The following NRXN3 variants were observed in gnomAD, a reference collection of about 807,000 sequenced individuals.
NRXN3 encodes the protein neurexin III.
Under a neutral mutation model 137.6 loss-of-function variants are expected in NRXN3, and 32 were observed. That is an observed-to-expected ratio of 0.23 (90% confidence interval 0.18 to 0.31). NRXN3 has a LOEUF of 0.31. Among genes scored for constraint, NRXN3 ranks in the 10% least tolerant of loss-of-function variants. The probability of loss-of-function intolerance (pLI) is 1.00; values close to 1 mark genes in which losing one functional copy is unlikely to be tolerated. For synonymous variants in NRXN3, 798 were observed against 784.5 expected (o/e 1.02, Z -0.29); for missense variants, 1,574 against 2,062.5 (o/e 0.76, Z 4.59).
At chr14:78,649,120 T>C (rs560822379) in intron 5 of NRXN3, 18 of 443,646 alleles carry the variant, frequency 4.1e-5, no homozygotes, top group South Asian at 2.9e-4. Flanking sequence ...TTTGAGAAAC[T>C]AACACAAGAT....
chr14:78,411,555 T>C (rs2092828313), intron 4 of NRXN3, among the ~76,000 whole-genome samples: 1 of 152,218 alleles, frequency 6.6e-6, no homozygotes, highest in African/African-American at 2.4e-5. Flanking sequence ...CTGGTTCTTT[T>C]ATGAGCTGTG....
At chr14:78,693,971 C>T (rs184450090) in intron 6 of NRXN3, among the ~76,000 whole-genome samples, 4 of 152,022 alleles carry the variant, frequency 2.6e-5, no homozygotes, top group African/African-American at 9.7e-5. Flanking sequence ...AGATTTCTCA[C>T]TCTCATTTCT....
At chr14:79,178,256 A>T (rs906121869) in intron 15 of NRXN3, among the ~76,000 whole-genome samples, 3 of 152,176 alleles carry the variant, frequency 2.0e-5, no homozygotes, top group African/African-American at 7.2e-5. Flanking sequence ...CTTACATGCA[A>T]TTTTTTTAAA....
chr14:78,776,499 G>A (rs541027807), intron 8 of NRXN3, among the ~76,000 whole-genome samples: 23 of 152,262 alleles, frequency 1.5e-4, no homozygotes, highest in Middle Eastern at 3.4e-3. Flanking sequence ...AAATTTATAG[G>A]TCAGTGTGGC....
chr14:79,674,030 G>A (rs375362768), intron 17 of NRXN3, among the ~76,000 whole-genome samples: 2 of 152,012 alleles, frequency 1.3e-5, no homozygotes, highest in Non-Finnish European at 2.9e-5. Flanking sequence ...GTGAAAGAAG[G>A]TGCTACTATT....
chr14:78,594,206 C>T (rs1009561349), intron 4 of NRXN3, among the ~76,000 whole-genome samples: 2 of 152,196 alleles, frequency 1.3e-5, no homozygotes, highest in African/African-American at 2.4e-5. Context: ...AGCAGCAGTA[C>T]CAGCATCGAG....
chr14:78,541,596 C>G (rs2096590024), intron 4 of NRXN3, among the ~76,000 whole-genome samples: 2 of 152,080 alleles, frequency 1.3e-5, no homozygotes, highest in Non-Finnish European at 1.5e-5. Context: ...TTATTACCGA[C>G]CTTCTGAAGC....
chr14:79,022,731 T>C (rs2099591703), intron 15 of NRXN3, among the ~76,000 whole-genome samples: 1 of 152,206 alleles, frequency 6.6e-6, no homozygotes, highest in African/African-American at 2.4e-5. Context: ...CTTCTCTCTC[T>C]TCTTCAGCTA....
At chr14:79,813,973 T>A (rs1209461815) in intron 20 of NRXN3, among the ~76,000 whole-genome samples, 1 of 152,226 alleles carries the variant, frequency 6.6e-6, no homozygotes, top group Non-Finnish European at 1.5e-5. Flanking sequence ...AAGCCCAGGA[T>A]CATTGTGTGG....
chr14:79,812,383 A>G (rs2099237240), intron 20 of NRXN3, among the ~76,000 whole-genome samples: 2 of 152,228 alleles, frequency 1.3e-5, no homozygotes, highest in South Asian at 4.1e-4. Flanking sequence ...GGCAGATATA[A>G]TAAGAGGAAT....
intron 20 of NRXN3, among the ~76,000 whole-genome samples, chr14:79,844,456 A>G (rs2099362810): frequency 6.6e-6 from 1 of 151,836 alleles, no homozygotes; most frequent in South Asian, 2.1e-4. Flanking sequence ...CTTAAGTAAG[A>G]TGTTAAAGTC....
At chr14:79,200,606 G>C (rs950784494) in intron 15 of NRXN3, among the ~76,000 whole-genome samples, 12 of 152,132 alleles carry the variant, frequency 7.9e-5, no homozygotes, top group Admixed American at 5.2e-4. Context: ...ACATCTCTGG[G>C]AAGGAATGAG....
intron 20 of NRXN3, among the ~76,000 whole-genome samples, chr14:79,806,773 A>T: frequency 6.7e-6 from 1 of 149,434 alleles, no homozygotes; most frequent in African/African-American, 2.4e-5. Context: ...TTGCTATCTA[A>T]CTCCTCGCGT....
At chr14:78,624,017 G>A (rs1003430162) in intron 4 of NRXN3, among the ~76,000 whole-genome samples, 5 of 152,162 alleles carry the variant, frequency 3.3e-5, no homozygotes, top group Admixed American at 2.0e-4. Context: ...TGGTTATAGG[G>A]TTTGTTACCC....
At chr14:79,592,072 C>G (rs576458233) in intron 16 of NRXN3, among the ~76,000 whole-genome samples, 1 of 152,242 alleles carries the variant, frequency 6.6e-6, no homozygotes. Flanking sequence ...TAAAAGTTAC[C>G]TCATGCCCAA....
intron 8 of NRXN3, among the ~76,000 whole-genome samples, chr14:78,746,850 A>C (rs1480342649): frequency 6.6e-6 from 1 of 152,238 alleles, no homozygotes; most frequent in Non-Finnish European, 1.5e-5. Context: ...ATATTTTTCA[A>C]GTAAAGTGTT....
At chr14:79,548,877 T>C (rs1470288987) in intron 16 of NRXN3, among the ~76,000 whole-genome samples, 1 of 152,126 alleles carries the variant, frequency 6.6e-6, no homozygotes, top group East Asian at 1.9e-4. Context: ...AGCACAGACA[T>C]TGCACTGCAC....
intron 4 of NRXN3, among the ~76,000 whole-genome samples, chr14:78,525,249 T>C (rs970853694): frequency 3.3e-5 from 5 of 152,174 alleles, no homozygotes; most frequent in Admixed American, 6.5e-5. Flanking sequence ...AATAGAGGCT[T>C]TCTCCCTTGT....
intron 4 of NRXN3, among the ~76,000 whole-genome samples, chr14:78,353,627 GA>G (rs922730660): frequency 3.6e-4 from 54 of 151,480 alleles, no homozygotes; most frequent in Middle Eastern, 6.8e-3. Flanking sequence ...CTATTTTGAA[GA>G]AAAAAAAATC....
Sources: allele counts gnomAD v4.1 joint callset (sites outside exome capture counted in the v4.1 genomes callset), GRCh38; gene constraint gnomAD v4.1.1; transcripts MANE v1.5; gene names NCBI Gene and HGNC (gene_info 2026-07-23, HGNC 2026-07-21).